RYR3: variants seen among roughly 807,000 people sequenced by gnomAD.
RYR3 encodes ryanodine receptor 3, also known as brain ryanodine receptor-calcium release channel.
A neutral mutation model predicts 584.3 loss-of-function variants in RYR3; 207 were observed. The observed-to-expected ratio is 0.35, with a 90% confidence interval of 0.32 to 0.40. RYR3 has a LOEUF of 0.40. RYR3 is among the 10% of genes least tolerant of loss of function. RYR3 has a pLI of 1.00. For synonymous variants in RYR3, 2,416 were observed against 2,248.5 expected, an observed-to-expected ratio of 1.07 and a Z score of -2.11; for missense variants, 5,616 against 6,089.2, an observed-to-expected ratio of 0.92 and a Z score of 2.59.
intron 44 of RYR3, 66 bp downstream of exon 44, chr15:33,722,961 C>A: frequency 1.5e-6 from 2 of 1,376,950 alleles, no homozygotes; most frequent in Non-Finnish European, 9.9e-7. Context: ...TATTGGTATA[C>A]GGATGATTTA....
intron 1 of RYR3, among the ~76,000 whole-genome samples, chr15:33,393,930 C>G (rs142034834): frequency 6.6e-6 from 1 of 152,174 alleles, no homozygotes; most frequent in African/African-American, 2.4e-5. Context: ...TCCAGCAGCC[C>G]TATGAGATAG....
At position 33,799,679 on chromosome 15, in the gene RYR3, A is replaced by G. The variant is rs1051201283; in HGVS notation, c.9831-1091A>G. On this transcript the variant is annotated intron_variant, in intron 67 of 103. Coordinates refer to ENST00000634891, the MANE Select transcript of RYR3 (RefSeq NM_001036.6). ...CTGCTCTAGCAAATTATTGAACCCA[A>G]TGAAGGGGTTGGTTATAGCCAGTTG... Among the ~76,000 whole-genome samples the G allele has an allele frequency of 7.2e-5, 11 of 152,200 alleles. No homozygotes were observed. In the South Asian group the frequency reaches 8.3e-4, roughly 11 times the overall value.
At chr15:33,610,128 C>T (rs1204645002) in intron 18 of RYR3, among the ~76,000 whole-genome samples, 1 of 152,146 alleles carries the variant, frequency 6.6e-6, no homozygotes, top group South Asian at 2.1e-4. Flanking sequence ...AAGCTGGATG[C>T]TCCTGTCCAG....
chr15:33,318,928 A>G (rs1005093132), intron 1 of RYR3, among the ~76,000 whole-genome samples: 21 of 152,318 alleles, frequency 1.4e-4, no homozygotes, highest in African/African-American at 5.1e-4. Flanking sequence ...ACTAATCCCA[A>G]GCAAATGCTC....
At chr15:33,571,534 T>C (rs979191683) in intron 12 of RYR3, among the ~76,000 whole-genome samples, 7 of 152,190 alleles carry the variant, frequency 4.6e-5, no homozygotes, top group African/African-American at 1.7e-4. Context: ...ATTTGCCCTT[T>C]TGTAATTTTA....
At chr15:33,445,664 A>ACAC (rs2046582595) in intron 1 of RYR3, among the ~76,000 whole-genome samples, 7 of 106,004 alleles carry the variant, frequency 6.6e-5, no homozygotes, top group Admixed American at 1.0e-4. Context: ...TTCCCCCACC[A>ACAC]ACACACACAC....
chr15:33,409,407 C>T (rs1411340065), intron 1 of RYR3, among the ~76,000 whole-genome samples: 1 of 151,886 alleles, frequency 6.6e-6, no homozygotes, highest in Non-Finnish European at 1.5e-5. Flanking sequence ...AGATTCCGCT[C>T]TCTCTGCAGC....
At chr15:33,683,844 C>T (rs932568114) in intron 38 of RYR3, among the ~76,000 whole-genome samples, 2 of 152,264 alleles carry the variant, frequency 1.3e-5, no homozygotes, top group Admixed American at 1.3e-4. Flanking sequence ...CCTGTGCCTG[C>T]CTCAGCGGGT....
chr15:33,491,347 C>T (rs1043819474), intron 2 of RYR3, among the ~76,000 whole-genome samples: 2 of 152,194 alleles, frequency 1.3e-5, no homozygotes, highest in African/African-American at 4.8e-5. Context: ...GTTTAATAGG[C>T]AGCCAAACAT....
At chr15:33,591,020 G>A (rs2059104533) in intron 16 of RYR3, among the ~76,000 whole-genome samples, 1 of 152,132 alleles carries the variant, frequency 6.6e-6, no homozygotes, top group Admixed American at 6.5e-5. Flanking sequence ...TCTTTGGAGT[G>A]AAAAAGACAG....
At chr15:33,313,388 A>G (rs938162348) in intron 1 of RYR3, among the ~76,000 whole-genome samples, 2 of 152,240 alleles carry the variant, frequency 1.3e-5, no homozygotes, top group African/African-American at 4.8e-5. Flanking sequence ...ACCTAAGAAC[A>G]TAAGAGGAGT....
Position 33,632,974 on chromosome 15 carries a change from C to G in RYR3, c.2893C>G (p.Pro965Ala). Reference sequence around the variant, plus strand: ...CTATATGATGTCCAACGGCTATAAGCCAGCCCCTTTGGATTTGTCTGATGT... The same window carrying G: ...CTATATGATGTCCAACGGCTATAAGGCAGCCCCTTTGGATTTGTCTGATGT... Reference protein sequence around the residue: ...KNYMMSNGYKPAPLDLSDVKL... With the variant: ...KNYMMSNGYKAAPLDLSDVKL... Residue 965 changes from proline to alanine, a missense_variant, in exon 24 of 104, where the codon CCA becomes GCA. Coordinates refer to ENST00000634891, the MANE Select transcript of RYR3 (RefSeq NM_001036.6). The G allele has an allele frequency of 6.2e-7, 1 of 1,613,746 alleles. No individual in the cohort carries two copies. The highest frequency in any genetic ancestry group is 8.5e-7 in the Non-Finnish European group (1 of 1,179,726).
At chr15:33,754,062 T>C (rs772772623) in intron 57 of RYR3, among the ~76,000 whole-genome samples, 1 of 152,148 alleles carries the variant, frequency 6.6e-6, no homozygotes, top group Non-Finnish European at 1.5e-5. Context: ...GAGAATTGCT[T>C]GAACCCAGAA....
At chr15:33,557,675 G>T (rs549674107) in intron 10 of RYR3, among the ~76,000 whole-genome samples, 2 of 152,082 alleles carry the variant, frequency 1.3e-5, no homozygotes, top group Non-Finnish European at 1.5e-5. Context: ...GAGCCACCAT[G>T]CCCGGCCGGG....
chr15:33,721,579 A>G (rs570377856), intron 43 of RYR3, among the ~76,000 whole-genome samples: 2 of 152,304 alleles, frequency 1.3e-5, no homozygotes, highest in Admixed American at 1.3e-4. Context: ...CCAGTACATA[A>G]CATCAAAGTC....
intron 43 of RYR3, among the ~76,000 whole-genome samples, chr15:33,714,529 C>T (rs1470617441): frequency 6.6e-6 from 1 of 152,138 alleles, no homozygotes; most frequent in African/African-American, 2.4e-5. Flanking sequence ...AGGCTAAGCA[C>T]AGATGTGTTT....
At chr15:33,338,888 G>A (rs1358865402) in intron 1 of RYR3, among the ~76,000 whole-genome samples, 1 of 152,084 alleles carries the variant, frequency 6.6e-6, no homozygotes, top group Non-Finnish European at 1.5e-5. Flanking sequence ...TTAAAAACAA[G>A]CAAAACTAAA....
At position 33,533,333 on chromosome 15, in the gene RYR3, C is replaced by T; in HGVS notation, c.377C>T (p.Ser126Leu). ...CAGTATCTAACATGCTTGACTACAT[C>T]AAGATCCCAGACAGACAAACTTGCC... Reference protein sequence around the residue: ...SGMYLTCLTTSRSQTDKLAFD... With the variant: ...SGMYLTCLTTLRSQTDKLAFD... Residue 126 changes from serine (S) to leucine (L), a missense_variant, in exon 5 of 104, where the codon TCA becomes TTA. Transcript: ENST00000634891. The T allele has an allele frequency of 6.2e-7, 1 of 1,607,198 alleles. No homozygotes were observed. The highest frequency in any genetic ancestry group is 8.5e-7 in the Non-Finnish European group (1 of 1,176,650).
chr15:33,852,739 T>TA (rs778428615), intron 94 of RYR3: 272 of 270,028 alleles, frequency 1.0e-3, no homozygotes, highest in Non-Finnish European at 1.6e-3. Context: ...GGGAAAGGAC[T>TA]TAGAAACATA....
Sources: allele counts gnomAD v4.1 joint callset (sites outside exome capture counted in the v4.1 genomes callset), GRCh38; gene constraint gnomAD v4.1.1; transcripts MANE v1.5; gene names NCBI Gene and HGNC (gene_info 2026-07-23, HGNC 2026-07-21).